Variants in ZNF521 observed in about 807,000 individuals in gnomAD.
ZNF521 encodes the protein LYST-interacting protein 3.
In ZNF521, 14 loss-of-function variants were observed where a neutral mutation model predicts 105.5. The observed-to-expected ratio is 0.13, with a 90% CI of 0.09 to 0.21. ZNF521 has a LOEUF of 0.21. Among genes scored for constraint, ZNF521 ranks in the 10% least tolerant of loss-of-function variants. The probability of loss-of-function intolerance (pLI) is 1.00; values close to 1 mark genes in which losing one functional copy is unlikely to be tolerated. For missense variants in ZNF521, 1,233 were observed against 1,629.7 expected, an observed-to-expected ratio of 0.76 and a Z score of 4.19; for synonymous variants, 635 against 606.0, an observed-to-expected ratio of 1.05 and a Z score of -0.70.
At chr18:25,168,748 C>T (rs1217293437) in intron 5 of ZNF521, among the ~76,000 whole-genome samples, 2 of 152,178 alleles carry the variant, frequency 1.3e-5, no homozygotes, top group Non-Finnish European at 2.9e-5. Flanking sequence ...GAGATATCTT[C>T]CAGGCACGTA....
chr18:25,212,558 T>TA (rs1398048822), intron 4 of ZNF521, among the ~76,000 whole-genome samples: 1 of 119,890 alleles, frequency 8.3e-6, no homozygotes, highest in Non-Finnish European at 1.7e-5. Context: ...TATATATATA[T>TA]ATATATATGT....
chr18:25,254,681 A>G (rs1308253554), intron 3 of ZNF521, among the ~76,000 whole-genome samples: 2 of 152,138 alleles, frequency 1.3e-5, no homozygotes, highest in African/African-American at 4.8e-5. Flanking sequence ...AAGAACAGGG[A>G]ATGGGTACCC....
At chr18:25,179,236 C>T (rs1229633283) in intron 5 of ZNF521, among the ~76,000 whole-genome samples, 1 of 139,456 alleles carries the variant, frequency 7.2e-6, no homozygotes, top group Admixed American at 7.6e-5. Context: ...TCACTGCAAC[C>T]TCTGCCTCCC....
chr18:25,308,193 C>CAAAAAAAA (rs756580169), intron 3 of ZNF521, among the ~76,000 whole-genome samples: 1 of 31,100 alleles, frequency 3.2e-5, no homozygotes, highest in African/African-American at 1.5e-4. Context: ...GACTGCATCT[C>CAAAAAAAA]AAAAAAAAAA....
At chr18:25,337,323 G>C (rs932417675) in intron 2 of ZNF521, among the ~76,000 whole-genome samples, 83 of 152,274 alleles carry the variant, frequency 5.5e-4, no homozygotes, top group African/African-American at 1.8e-3. Flanking sequence ...AAATTTGGAA[G>C]TTCTGTATGG....
rs1296954946 is a variant in ZNF521 at position 25,227,073 on chromosome 18, T to C, written c.845A>G (p.Gln282Arg). ...CSPNEDRAALQCVYCHELFVE... is the reference protein window; with the variant it reads ...CSPNEDRAALRCVYCHELFVE... The stretch of plus-strand genomic sequence containing the variant: ...GAAGAGCTCGTGGCAGTAGACACAC[T>C]GGAGGGCCGCTCGGTCCTCATTTGG... Residue 282 changes from glutamine (Q) to arginine (R), a missense_variant, in exon 4 of 8, where the codon CAG (glutamine) becomes CGG (arginine). By Grantham distance (43) the Gln-to-Arg change is conservative. Around this residue, in one of 6 missense-constraint regions of ZNF521, gnomAD observed 380 missense variants for 478.0 expected, o/e 0.80. Transcript: ENST00000361524. The surrounding 1 kb of genome is among the most constrained non-coding windows in gnomAD (Gnocchi z 5.7). 3 of 1,614,122 alleles carry C rather than the reference T, an allele frequency of 1.9e-6. No individual in the cohort carries two copies. The highest frequency in any genetic ancestry group is 2.5e-6 in the Non-Finnish European group (3 of 1,180,010).
chr18:25,260,313 G>A (rs1908819649), intron 3 of ZNF521, among the ~76,000 whole-genome samples: 5 of 152,108 alleles, frequency 3.3e-5, no homozygotes, highest in Admixed American at 3.3e-4. Flanking sequence ...TGGCCAGAAG[G>A]ATTAAGTAAG....
intron 5 of ZNF521, among the ~76,000 whole-genome samples, chr18:25,124,882 T>G (rs1441306217): frequency 6.6e-6 from 1 of 152,222 alleles, no homozygotes; most frequent in Non-Finnish European, 1.5e-5. Flanking sequence ...TTGAGCTATA[T>G]AAATCCAAGC....
intron 4 of ZNF521, among the ~76,000 whole-genome samples, chr18:25,221,829 A>G (rs1487612454): frequency 6.6e-6 from 1 of 152,102 alleles, no homozygotes; most frequent in Non-Finnish European, 1.5e-5. Flanking sequence ...ATGAGTATTT[A>G]TTTTGTATTT....
At chr18:25,206,629 T>G (rs1307914510) in intron 4 of ZNF521, among the ~76,000 whole-genome samples, 5 of 152,168 alleles carry the variant, frequency 3.3e-5, no homozygotes, top group Admixed American at 3.3e-4. Context: ...AACTTTTATC[T>G]CCGCTGAGAT....
intron 4 of ZNF521, among the ~76,000 whole-genome samples, chr18:25,216,449 ATT>A (rs1249449554): frequency 6.6e-6 from 1 of 152,224 alleles, no homozygotes; most frequent in Non-Finnish European, 1.5e-5. Flanking sequence ...AGTATACACC[ATT>A]TTGTGTTACT....
chr18:25,177,530 A>G (rs1261042156), intron 5 of ZNF521, among the ~76,000 whole-genome samples: 1 of 152,106 alleles, frequency 6.6e-6, no homozygotes, highest in Non-Finnish European at 1.5e-5. Flanking sequence ...CAGGAATGCA[A>G]ACTTTCTGCT....
At chr18:25,304,910 A>T (rs896399186) in intron 3 of ZNF521, among the ~76,000 whole-genome samples, 20 of 152,214 alleles carry the variant, frequency 1.3e-4, no homozygotes, top group Non-Finnish European at 8.8e-5. Context: ...GCACAGTAAG[A>T]TTGTAGGCAA....
intron 4 of ZNF521, among the ~76,000 whole-genome samples, chr18:25,212,375 T>C (rs2036196183): frequency 6.6e-6 from 1 of 150,432 alleles, no homozygotes; most frequent in African/African-American, 2.4e-5. Context: ...CTGGGCATGG[T>C]GGCGCACACC....
At chr18:25,203,686 G>C (rs2036030843) in intron 4 of ZNF521, among the ~76,000 whole-genome samples, 1 of 152,060 alleles carries the variant, frequency 6.6e-6, no homozygotes, top group African/African-American at 2.4e-5. Flanking sequence ...GAGAGCCAGG[G>C]CTAAATTAGA....
intron 5 of ZNF521, among the ~76,000 whole-genome samples, chr18:25,116,929 A>G (rs1355048267): frequency 6.9e-6 from 1 of 143,902 alleles, no homozygotes; most frequent in Non-Finnish European, 1.5e-5. Context: ...CTATGTATAT[A>G]TATACGTATA....
chr18:25,266,013 G>A (rs552624855), intron 3 of ZNF521, among the ~76,000 whole-genome samples: 2 of 152,296 alleles, frequency 1.3e-5, no homozygotes, highest in South Asian at 4.1e-4. Context: ...AATACAGTGA[G>A]TAGGAGGATG....
At chr18:25,300,590 T>C (rs904408798) in intron 3 of ZNF521, among the ~76,000 whole-genome samples, 3 of 128,398 alleles carry the variant, frequency 2.3e-5, no homozygotes, top group African/African-American at 1.3e-4. Context: ...CAAACTTAAA[T>C]AAAAAAGTCA....
At chr18:25,131,413 A>T (rs2034638974) in intron 5 of ZNF521, among the ~76,000 whole-genome samples, 2 of 152,184 alleles carry the variant, frequency 1.3e-5, no homozygotes, top group African/African-American at 4.8e-5. Flanking sequence ...GGCCTTGCAA[A>T]TTCCAGCTCA....
Sources: allele counts gnomAD v4.1 joint callset (sites outside exome capture counted in the v4.1 genomes callset), GRCh38; gene constraint gnomAD v4.1.1; regional missense constraint gnomAD v4.1.1; non-coding constraint Gnocchi (gnomAD v3.1); transcripts MANE v1.5; gene names NCBI Gene and HGNC (gene_info 2026-07-23, HGNC 2026-07-21).